The following EDA variants were observed in gnomAD, a reference collection of about 807,000 sequenced individuals.
EDA encodes the protein ectodysplasin A.
EDA carries 2 observed loss-of-function variants against 23.6 expected under a neutral mutation model. The observed-to-expected ratio is 0.08, with a 90% CI of 0.03 to 0.27. EDA has a LOEUF of 0.27. Among genes scored for constraint, EDA ranks in the 10% least tolerant of loss-of-function variants. The pLI, the probability that EDA is intolerant of heterozygous loss-of-function variation, is 1.00. For missense variants in EDA, 229 were observed against 324.2 expected (o/e 0.71, Z 2.26); for synonymous variants, 131 against 132.0 (o/e 0.99, Z 0.05).
chrX:69,637,881 G>A (rs1374310018), intron 1 of EDA, among the ~76,000 whole-genome samples: 1 of 110,627 alleles, frequency 9.0e-6, no homozygotes, highest in Non-Finnish European at 1.9e-5. Context: ...CAAGCAAAGG[G>A]GGAAATGCTT....
At chrX:69,802,484 C>T (rs766205566) in intron 1 of EDA, among the ~76,000 whole-genome samples, 1 of 110,514 alleles carries the variant, frequency 9.0e-6, no homozygotes, top group South Asian at 3.8e-4. Flanking sequence ...CAACTATATT[C>T]GTAATGTTTT....
intron 1 of EDA, among the ~76,000 whole-genome samples, chrX:69,783,286 TTTTA>T (rs1039191302): frequency 1.8e-5 from 2 of 110,856 alleles, no homozygotes; most frequent in African/African-American, 6.6e-5. Context: ...CTTTTTTTTA[TTTTA>T]TTTCTTATTA....
At chrX:69,649,121 G>A (rs138646477) in intron 1 of EDA, among the ~76,000 whole-genome samples, 1,706 of 112,051 alleles carry the variant, frequency 0.015, 30 homozygotes, top group African/African-American at 0.053. Context: ...GGATATTTCA[G>A]TTGAAGGTGC....
chrX:69,662,043 C>T (rs780041877), intron 1 of EDA, among the ~76,000 whole-genome samples: 1 of 111,295 alleles, frequency 9.0e-6, no homozygotes, highest in East Asian at 2.8e-4. Flanking sequence ...ATATACTCCT[C>T]ATGTTGTACA....
At chrX:69,671,290 C>T (rs1384738579) in intron 1 of EDA, among the ~76,000 whole-genome samples, 2 of 111,391 alleles carry the variant, frequency 1.8e-5, no homozygotes, top group African/African-American at 6.5e-5. Flanking sequence ...TTTAGGGATC[C>T]TCCTGGTCTT....
intron 1 of EDA, among the ~76,000 whole-genome samples, chrX:69,699,042 G>A (rs2011455841): frequency 9.0e-6 from 1 of 111,289 alleles, no homozygotes. Context: ...TTGCCCGGGT[G>A]CCTGGCCCCG....
intron 2 of EDA, among the ~76,000 whole-genome samples, chrX:70,010,844 A>G (rs2019865614): frequency 1.8e-5 from 2 of 111,307 alleles, no homozygotes; most frequent in African/African-American, 6.5e-5. Flanking sequence ...TTATAAAACC[A>G]TCAGATCTCG....
chrX:69,625,397 T>C (rs1032733668), intron 1 of EDA, among the ~76,000 whole-genome samples: 1 of 111,055 alleles, frequency 9.0e-6, no homozygotes, highest in East Asian at 2.8e-4. Flanking sequence ...AAAGAGAACA[T>C]GGTACATCCA....
intron 1 of EDA, among the ~76,000 whole-genome samples, chrX:69,757,688 A>G (rs1331780165): frequency 1.8e-5 from 2 of 112,347 alleles, no homozygotes; most frequent in Admixed American, 1.9e-4. Context: ...CAGAAAGCTG[A>G]ACTTTCATAA....
intron 3 of EDA, among the ~76,000 whole-genome samples, chrX:70,027,051 T>C (rs2020115647): frequency 1.8e-5 from 2 of 111,708 alleles, no homozygotes; most frequent in South Asian, 7.6e-4. Flanking sequence ...CGACATCAAG[T>C]CCACCAAACT....
At chrX:69,838,746 T>G (rs759077351) in intron 1 of EDA, among the ~76,000 whole-genome samples, 25 of 112,777 alleles carry the variant, frequency 2.2e-4, no homozygotes, top group African/African-American at 8.0e-4. Flanking sequence ...AACCACCACT[T>G]TCTTTGGTTG....
In EDA at chrX:69,790,602, A is replaced by G. The variant is rs181008972; in HGVS notation, c.397-166425A>G. On this transcript the variant is annotated intron_variant, in intron 1 of 7. Coordinates refer to ENST00000374552, the MANE Select transcript of EDA (RefSeq NM_001399.5). ...GCCCAAAAGTATAACAAAACAAAGG[A>G]TGAATCACCTGGTAATCAACTTTTG... Among the ~76,000 whole-genome samples the G allele has an allele frequency of 3.7e-3, 414 of 111,470 alleles. 3 individuals are homozygous for G. Among genetic ancestry groups the G allele is most frequent in the African/African-American group, 0.013 (399 of 30,752 alleles).
intron 1 of EDA, among the ~76,000 whole-genome samples, chrX:69,898,539 C>T (rs1449281467): frequency 9.0e-6 from 1 of 111,569 alleles, no homozygotes; most frequent in Non-Finnish European, 1.9e-5. Flanking sequence ...GCCGAGATCA[C>T]ACCACTGCAC....
intron 1 of EDA, among the ~76,000 whole-genome samples, chrX:69,863,693 GTGTA>G (rs1671301326): frequency 2.8e-5 from 3 of 106,086 alleles, no homozygotes; most frequent in African/African-American, 1.0e-4. Flanking sequence ...GCATCTACAG[GTGTA>G]TGTATGTGTG....
intron 1 of EDA, among the ~76,000 whole-genome samples, chrX:69,759,511 G>C (rs1336421733): frequency 8.9e-6 from 1 of 111,786 alleles, no homozygotes; most frequent in Non-Finnish European, 1.9e-5. Flanking sequence ...GTGACTCAGT[G>C]GATAATTCCA....
intron 1 of EDA, among the ~76,000 whole-genome samples, chrX:69,674,554 G>C (rs765643837): frequency 8.9e-6 from 1 of 111,737 alleles, no homozygotes; most frequent in Non-Finnish European, 1.9e-5. Flanking sequence ...TAATGTATTT[G>C]CTTGATATTA....
chrX:69,700,318 A>T (rs2011499137), intron 1 of EDA, among the ~76,000 whole-genome samples: 2 of 111,666 alleles, frequency 1.8e-5, no homozygotes, highest in African/African-American at 3.3e-5. Flanking sequence ...GAAAGGTGTC[A>T]GGGTCTTCCC....
intron 1 of EDA, among the ~76,000 whole-genome samples, chrX:69,823,666 T>C (rs1262790146): frequency 2.1e-5 from 2 of 96,771 alleles, no homozygotes; most frequent in Non-Finnish European, 4.1e-5. Context: ...ACTCTGATGG[T>C]AGTTTCTTTT....
intron 1 of EDA, among the ~76,000 whole-genome samples, chrX:69,730,158 C>T (rs183827655): frequency 9.0e-6 from 1 of 111,486 alleles, no homozygotes; most frequent in African/African-American, 3.3e-5. Context: ...GCTACTGCAC[C>T]AGCCTATTTA....
Sources: gnomAD v4.1 joint callset for allele counts (sites outside exome capture counted in the v4.1 genomes callset) on GRCh38, gnomAD v4.1.1 for gene constraint, MANE v1.5 for transcripts, NCBI Gene and HGNC (gene_info 2026-07-23, HGNC 2026-07-21) for gene names.